The following MMP26 variants were observed in gnomAD, a reference collection of about 807,000 sequenced individuals.
MMP26 encodes the protein matrix metallopeptidase 26.
In MMP26, 33 loss-of-function variants were observed where a neutral mutation model predicts 31.0. The observed-to-expected ratio is 1.06, with a 90% CI of 0.81 to 1.42. MMP26 has a LOEUF of 1.42. Among genes scored for constraint, MMP26 ranks in the 40% most tolerant of loss-of-function variants. The pLI is 0.00. For missense variants in MMP26, 347 were observed against 316.1 expected, an observed-to-expected ratio of 1.10 and a Z score of -0.74; for synonymous variants, 122 against 114.9, an observed-to-expected ratio of 1.06 and a Z score of -0.40.
chr11:4,746,827 T>A (rs868470488), intron 1 of MMP26, among the ~76,000 whole-genome samples: 6 of 133,734 alleles, frequency 4.5e-5, no homozygotes, highest in Admixed American at 7.9e-5. Context: ...AGAGTAAGTC[T>A]CTGTCACACA....
chr11:4,875,285 C>A (rs973819988), intron 2 of MMP26: 4 of 152,080 alleles, frequency 2.6e-5, no homozygotes, highest in Non-Finnish European at 5.9e-5. Flanking sequence ...AATGGGAAGA[C>A]TGGATATTTC....
intron 2 of MMP26, among the ~76,000 whole-genome samples, chr11:4,986,942 T>TCTCTCTCTCTCTCC (rs1846906227): frequency 8.3e-6 from 1 of 120,828 alleles, no homozygotes; most frequent in African/African-American, 2.7e-5. Flanking sequence ...CCTCTCTCTC[T>TCTCTCTCTCTCTCC]CTCTCTCTCT....
At chr11:4,826,050 A>G (rs11034094) in intron 2 of MMP26, among the ~76,000 whole-genome samples, 15,957 of 152,168 alleles carry the variant, frequency 0.1, 1,025 homozygotes, top group Middle Eastern at 0.17. Flanking sequence ...TACCCCAAGC[A>G]CTGGGATAAA....
At chr11:4,815,929 A>G (rs376198850) in intron 2 of MMP26, among the ~76,000 whole-genome samples, 27 of 152,322 alleles carry the variant, frequency 1.8e-4, no homozygotes, top group African/African-American at 6.0e-4. Flanking sequence ...GTGTTCACTC[A>G]ATTTTACAAG....
chr11:4,860,466 C>T, intron 2 of MMP26: 1 of 470,238 alleles, frequency 2.1e-6, no homozygotes, highest in Non-Finnish European at 4.4e-6. Context: ...AGAGAAATCC[C>T]AGGGGAAAGG....
chr11:4,911,248 T>C (rs1286821683), intron 2 of MMP26, among the ~76,000 whole-genome samples: 4 of 152,172 alleles, frequency 2.6e-5, no homozygotes, highest in Non-Finnish European at 5.9e-5. Context: ...TTGTTATCTC[T>C]CAGCTTTTTC....
rs528084906 is a variant in MMP26, at chr11:4,831,557, C to T, written c.-145+64216C>T. 2.0e-4 allele frequency among the ~76,000 whole-genome samples: 30 copies of T among 152,012 alleles called. 1 individual carries two copies. The South Asian group carries it at 2.3e-3, about 12-fold the overall frequency. On this transcript the variant is annotated intron_variant, in intron 2 of 7. Coordinates refer to ENST00000380390, the MANE Select transcript of MMP26 (RefSeq NM_021801.5). ...TAATATTCTTTAAAAATAGAAAAAC[C>T]CCACATGTTGTACAAAACAGGCCAT...
intron 2 of MMP26, among the ~76,000 whole-genome samples, chr11:4,974,775 A>G (rs1039037754): frequency 4.6e-5 from 7 of 152,108 alleles, no homozygotes; most frequent in South Asian, 2.1e-4. Context: ...TTATACAGCC[A>G]TAAAAGGAAC....
Position 4,908,081 on chromosome 11 carries a change from A to T in MMP26, c.-144-79987A>T, listed in dbSNP as rs140961172. On this transcript the variant is annotated intron_variant, in intron 2 of 7. Coordinates refer to ENST00000380390, the MANE Select transcript of MMP26 (RefSeq NM_021801.5). ...TTTGGCAGAGAGGCTTAAGGCCCTA[A>T]ATACCTGTGTCTCCCACATCTGTGC... is the stretch of plus-strand genomic sequence containing the variant. The T allele has an allele frequency of 5.0e-6, 8 of 1,614,088 alleles. No homozygotes were observed. In the East Asian group the frequency reaches 1.8e-4, roughly 36 times the overall value.
intron 1 of MMP26, chr11:4,722,991 C>G (rs558463551): frequency 1.2e-6 from 1 of 856,794 alleles, no homozygotes; most frequent in Non-Finnish European, 2.0e-6. Context: ...AGCCGGCTCT[C>G]CTCGCCATCC....
intron 2 of MMP26, chr11:4,882,518 T>C: frequency 6.2e-7 from 1 of 1,613,966 alleles, no homozygotes; most frequent in Non-Finnish European, 8.5e-7. Context: ...TCTTCAGCTC[T>C]ACCTGAATGG....
chr11:4,918,957 C>T (rs949260843), intron 2 of MMP26, among the ~76,000 whole-genome samples: 1 of 152,178 alleles, frequency 6.6e-6, no homozygotes. Context: ...CTTTAATAAC[C>T]GAGCTCGTTT....
intron 1 of MMP26, among the ~76,000 whole-genome samples, chr11:4,754,782 T>C (rs1276183701): frequency 6.6e-6 from 1 of 152,100 alleles, no homozygotes; most frequent in South Asian, 2.1e-4. Flanking sequence ...ATTTTTCTAC[T>C]TTAAAGCTTT....
intron 2 of MMP26, among the ~76,000 whole-genome samples, chr11:4,874,828 A>G (rs148236246): frequency 1.5e-3 from 221 of 152,244 alleles, no homozygotes; most frequent in Middle Eastern, 0.01. Context: ...CTTGATCTTT[A>G]TCATGCAAAT....
At chr11:4,834,934 A>G (rs1849695790) in intron 2 of MMP26, among the ~76,000 whole-genome samples, 1 of 152,110 alleles carries the variant, frequency 6.6e-6, no homozygotes, top group South Asian at 2.1e-4. Context: ...AATATATAAA[A>G]TATAGACATA....
chr11:4,816,796 T>C (rs7947080), intron 2 of MMP26, among the ~76,000 whole-genome samples: 93,921 of 145,868 alleles, frequency 0.64, 31,086 homozygotes, highest in Middle Eastern at 0.76. Flanking sequence ...CTCCGCCTCA[T>C]GGGTTCACGC....
intron 1 of MMP26, among the ~76,000 whole-genome samples, chr11:4,753,945 G>A (rs1014660954): frequency 2.6e-5 from 4 of 151,994 alleles, no homozygotes; most frequent in African/African-American, 9.7e-5. Flanking sequence ...TTTGTAACAT[G>A]AATGCCCTGG....
At position 4,756,318 on chromosome 11, in the gene MMP26, A is replaced by C. The variant is rs116380139; in HGVS notation, c.-216-10952A>C. On this transcript the variant is annotated intron_variant, in intron 1 of 7. Coordinates refer to ENST00000380390, the MANE Select transcript of MMP26 (RefSeq NM_021801.5). ...TGGGAAGGGCACAAAATGAAAAGCCAACATACAAATAACTATAGTCTCAGG... is the reference window on the plus strand; with the variant it reads ...TGGGAAGGGCACAAAATGAAAAGCCCACATACAAATAACTATAGTCTCAGG... 8.1e-3 allele frequency among the ~76,000 whole-genome samples: 1,228 copies of C among 152,168 alleles called. 18 individuals carry two copies. The highest frequency in any genetic ancestry group is 0.028 in the African/African-American group (1,163 of 41,554).
intron 2 of MMP26, among the ~76,000 whole-genome samples, chr11:4,839,581 T>C (rs1849766728): frequency 6.6e-6 from 1 of 151,750 alleles, no homozygotes; most frequent in Non-Finnish European, 1.5e-5. Flanking sequence ...TCTAGACACA[T>C]CCTGGGTCAG....
Sources: gnomAD v4.1 joint callset for allele counts (sites outside exome capture counted in the v4.1 genomes callset) on GRCh38, gnomAD v4.1.1 for gene constraint, MANE v1.5 for transcripts, NCBI Gene and HGNC (gene_info 2026-07-23, HGNC 2026-07-21) for gene names.